UBAC1: variants seen among roughly 807,000 people sequenced by gnomAD.
The protein encoded by UBAC1 is UBA domain containing 1, also known as ubiquitin-associated domain-containing protein 1.
UBAC1 carries 27 observed loss-of-function variants against 45.9 expected under a neutral mutation model. That is an observed-to-expected ratio of 0.59 (90% confidence interval 0.43 to 0.81). The LOEUF is 0.81. Ranked by LOEUF, UBAC1 falls within the 30% of genes least tolerant of loss-of-function variation. UBAC1 has a pLI of 0.00. For missense variants in UBAC1, 529 were observed against 539.2 expected (o/e 0.98, Z 0.19); for synonymous variants, 227 against 215.5 (o/e 1.05, Z -0.47).
intron 7 of UBAC1, among the ~76,000 whole-genome samples, chr9:135,941,197 G>C (rs2131083582): frequency 6.6e-6 from 1 of 152,314 alleles, no homozygotes; most frequent in South Asian, 2.1e-4. Flanking sequence ...CTTGAGGTCA[G>C]GAGTTTGAGA....
chr9:135,934,331 G>T (rs1425502292), intron 9 of UBAC1, among the ~76,000 whole-genome samples: 3 of 152,092 alleles, frequency 2.0e-5, no homozygotes, highest in Non-Finnish European at 4.4e-5. Flanking sequence ...ACAATCCTCT[G>T]GTGTTCTGAT....
At chr9:135,940,854 C>T (rs933005630) in intron 7 of UBAC1, among the ~76,000 whole-genome samples, 4 of 152,174 alleles carry the variant, frequency 2.6e-5, no homozygotes, top group African/African-American at 4.8e-5. Context: ...ATCCCACTCT[C>T]TTGAAGCCCC....
At chr9:135,939,606 C>G in intron 8 of UBAC1, 67 bp downstream of exon 8, 1 of 1,503,602 alleles carries the variant, frequency 6.7e-7, no homozygotes, top group Admixed American at 1.7e-5. Context: ...TCACCACAGC[C>G]CACACTTACC....
rs936755169 is a variant in UBAC1 at position 135,938,464 on chromosome 9, T to C, written c.964-104A>G. On this transcript the variant is annotated intron_variant, in intron 8 of 9. Transcript: ENST00000371756. ...GCTCCTGCACCTTTCTGTGAGTTCC[T>C]GTTGAGCCCCCAGGGCTGATCTCCC... The C allele has an allele frequency of 4.9e-6, 7 of 1,435,470 alleles. No homozygotes were observed. The African/African-American group carries it at 7.1e-5, about 15-fold the overall frequency. 88.9% of individuals were successfully genotyped at this position (1,435,470 alleles called of 1,614,324 possible).
chr9:135,951,289 T>G (rs1839403579), intron 3 of UBAC1, among the ~76,000 whole-genome samples: 1 of 151,932 alleles, frequency 6.6e-6, no homozygotes, highest in Non-Finnish European at 1.5e-5. Flanking sequence ...TTATTCGACC[T>G]TTTAAAAACA....
chr9:135,951,890 G>A (rs960277232), intron 3 of UBAC1, among the ~76,000 whole-genome samples: 8 of 152,292 alleles, frequency 5.3e-5, no homozygotes, highest in South Asian at 2.1e-4. Flanking sequence ...GTTTCAGTTT[G>A]CAAATATTTG....
At chr9:135,954,461 T>A (rs1437288167) in intron 2 of UBAC1, among the ~76,000 whole-genome samples, 1 of 151,732 alleles carries the variant, frequency 6.6e-6, no homozygotes, top group Admixed American at 6.6e-5. Context: ...CATGGGTTCC[T>A]TTGGTCCCCC....
At chr9:135,955,205 C>G in intron 2 of UBAC1, 90 bp downstream of exon 2, 1 of 1,334,942 alleles carries the variant, frequency 7.5e-7, no homozygotes. Context: ...AGAACACTGA[C>G]TCCTGTGGGT....
Position 135,933,361 on chromosome 9 carries a change from G to A in UBAC1, c.*39C>T, listed in dbSNP as rs11542895. ...CTGCCCGGTCTCGGGCCGCACCAGG[G>A]GGCTGCTGTGGCCTGATAGCCGAGT... On this transcript the variant is annotated 3_prime_UTR_variant, in exon 10 of 10. Coordinates refer to ENST00000371756, the MANE Select transcript of UBAC1 (RefSeq NM_016172.3). 10 of 1,564,628 alleles carry A rather than the reference G, an allele frequency of 6.4e-6. No homozygotes were observed. The highest frequency in any genetic ancestry group is 8.8e-6 in the Non-Finnish European group (10 of 1,135,002).
At chr9:135,960,400 A>G (rs1473927086) in intron 1 of UBAC1, among the ~76,000 whole-genome samples, 1 of 152,184 alleles carries the variant, frequency 6.6e-6, no homozygotes, top group African/African-American at 2.4e-5. Flanking sequence ...CCTCTGCAGA[A>G]AAGCAGGGGC....
intron 1 of UBAC1, among the ~76,000 whole-genome samples, chr9:135,956,941 G>A (rs1207779695): frequency 6.6e-6 from 1 of 152,162 alleles, no homozygotes; most frequent in South Asian, 2.1e-4. Context: ...AGCTGGGCCG[G>A]GGCACCACCC....
Position 135,945,030 on chromosome 9 carries a change from G to A in UBAC1, c.874C>T (p.Arg292Trp). Residue 292 changes from arginine (R) to tryptophan (W), a missense_variant and splice_region_variant, in exon 7 of 10, where the codon CGG (arginine) becomes TGG (tryptophan). Coordinates refer to ENST00000371756, the MANE Select transcript of UBAC1 (RefSeq NM_016172.3). ...GCGACAGGTCTAGTAACACATACCCGAGCATCAGCCCGAAACTCCCTTTTC... is the reference window on the plus strand; with the variant it reads ...GCGACAGGTCTAGTAACACATACCCAAGCATCAGCCCGAAACTCCCTTTTC... ...RRKREFRADA[R>W]AVISLMEMGF... 8.1e-6 allele frequency: 13 copies of A among 1,613,108 alleles called. No homozygotes were observed. The highest frequency in any genetic ancestry group is 1.7e-4 in the Middle Eastern group (1 of 6,058).
intron 9 of UBAC1, among the ~76,000 whole-genome samples, chr9:135,935,410 C>A (rs984628208): frequency 2.6e-5 from 4 of 152,172 alleles, no homozygotes; most frequent in Non-Finnish European, 4.4e-5. Context: ...CTCTAGAAGG[C>A]AGAGGTGGGG....
intron 3 of UBAC1, 125 bp downstream of exon 3, chr9:135,953,555 T>C (rs1437440157): frequency 4.5e-6 from 3 of 667,486 alleles, no homozygotes; most frequent in Non-Finnish European, 7.5e-6. Context: ...CTTGACCTCG[T>C]GATCCACCCG....
At chr9:135,945,827 G>A (rs572839612) in intron 6 of UBAC1, 62 bp downstream of exon 6, 60 of 1,380,762 alleles carry the variant, frequency 4.3e-5, no homozygotes, top group Middle Eastern at 1.8e-4. Context: ...CCCACGGTGG[G>A]AGCCCCACAA....
At chr9:135,955,173 T>C (rs1282871254) in intron 2 of UBAC1, 122 bp downstream of exon 2, 26 of 1,068,918 alleles carry the variant, frequency 2.4e-5, no homozygotes, top group African/African-American at 3.2e-5. Flanking sequence ...GTCGATCTCG[T>C]TTTTGTGCTC....
chr9:135,953,730 GCT>G lies in UBAC1; in HGVS notation c.281_282del (p.Lys94ThrfsTer11). 6.2e-7 allele frequency: 1 copy of G among 1,613,876 alleles called. No individual in the cohort carries two copies. Among genetic ancestry groups the G allele is most frequent in the Middle Eastern group, 1.7e-4 (1 of 6,060 alleles). ...ATCTTGGGAAGTGGTGATGGAGCAC[GCT>G]TTTTTATCAATAATAGGACATCTAG... ...QDQDVLLLIK[K>X]RAPSPLPKMA... On this transcript the variant is annotated frameshift_variant, in exon 3 of 10. Transcript: ENST00000371756. LOFTEE classifies it high-confidence loss of function.
chr9:135,951,239 C>T lies in UBAC1; in HGVS notation c.333+2441G>A, dbSNP rs571681350. ...GGACTACAGGCGTGGGCCACCGCAC[C>T]CAGCCAAGACTGCTAATTTTTATTA... On this transcript the variant is annotated intron_variant, in intron 3 of 9. Transcript: ENST00000371756. Among the ~76,000 whole-genome samples, 347 of 152,258 alleles carry T rather than the reference C, an allele frequency of 2.3e-3. 1 individual carries two copies. The highest frequency in any genetic ancestry group is 4.0e-3 in the Non-Finnish European group (272 of 68,012).
Position 135,945,259 on chromosome 9 carries a change from C to T in UBAC1, c.654-9G>A. 6.4e-7 allele frequency: 1 copy of T among 1,565,860 alleles called. No homozygotes were observed. Among genetic ancestry groups the T allele is most frequent in the Non-Finnish European group, 8.7e-7 (1 of 1,155,608 alleles). ...CCTGAGGCACCGACATGCTGCAAGG[C>T]AAGAGACTCTTTCCAACATCCCCAG... On this transcript the variant is annotated splice_polypyrimidine_tract_variant and intron_variant, in intron 6 of 9. Transcript: ENST00000371756.
Sources: gnomAD v4.1 joint callset for allele counts (sites outside exome capture counted in the v4.1 genomes callset) on GRCh38, gnomAD v4.1.1 for gene constraint, MANE v1.5 for transcripts, NCBI Gene and HGNC (gene_info 2026-07-23, HGNC 2026-07-21) for gene names.